PTPRT: variants seen among roughly 807,000 people sequenced by gnomAD.
PTPRT encodes the protein receptor-type tyrosine-protein phosphatase T.
In PTPRT, 56 loss-of-function variants were observed where a neutral mutation model predicts 176.8. The ratio of observed to expected loss-of-function variants is 0.32; its 90% CI spans 0.26 to 0.40. The LOEUF (loss-of-function observed/expected upper bound fraction) is 0.40. PTPRT is among the 10% of genes least tolerant of loss of function. The pLI is 1.00. For missense variants in PTPRT, 1,540 were observed against 1,908.2 expected (o/e 0.81, Z 3.60); for synonymous variants, 783 against 739.0 (o/e 1.06, Z -0.96).
chr20:42,538,958 C>T (rs1393910725), intron 7 of PTPRT, among the ~76,000 whole-genome samples: 2 of 152,200 alleles, frequency 1.3e-5, no homozygotes, highest in Admixed American at 1.3e-4. Flanking sequence ...GTCACCAATC[C>T]ATGCAACTAT....
chr20:42,576,380 G>A (rs6130170), intron 7 of PTPRT, among the ~76,000 whole-genome samples: 7,625 of 152,182 alleles, frequency 0.05, 236 homozygotes, highest in Middle Eastern at 0.11. Context: ...ACATATCTAC[G>A]CCTTGCAGCA....
At chr20:42,918,212 G>A (rs1461199443) in intron 1 of PTPRT, among the ~76,000 whole-genome samples, 1 of 152,124 alleles carries the variant, frequency 6.6e-6, no homozygotes, top group Non-Finnish European at 1.5e-5. Flanking sequence ...AACACAGTGG[G>A]TGGGTAAGTC....
intron 9 of PTPRT, among the ~76,000 whole-genome samples, chr20:42,446,561 A>G (rs2070735162): frequency 1.3e-5 from 2 of 150,856 alleles, no homozygotes; most frequent in Non-Finnish European, 2.9e-5. Context: ...CAGGCACAAC[A>G]CATCTTTATT....
intron 17 of PTPRT, among the ~76,000 whole-genome samples, chr20:42,154,239 T>A (rs531448708): frequency 1.3e-5 from 2 of 152,298 alleles, no homozygotes; most frequent in South Asian, 4.1e-4. Flanking sequence ...TATTCTGTCA[T>A]CACTCTGTTA....
intron 9 of PTPRT, among the ~76,000 whole-genome samples, chr20:42,435,565 G>A (rs1315977560): frequency 2.6e-5 from 4 of 152,114 alleles, no homozygotes; most frequent in Admixed American, 6.6e-5. Context: ...AATGGGAGGT[G>A]CAAGTCTTTC....
At chr20:43,056,456 T>G (rs1600679143) in intron 1 of PTPRT, among the ~76,000 whole-genome samples, 1 of 152,204 alleles carries the variant, frequency 6.6e-6, no homozygotes, top group Admixed American at 6.5e-5. Flanking sequence ...AATGGCTGGG[T>G]ACAGGGAAGT....
intron 6 of PTPRT, among the ~76,000 whole-genome samples, chr20:42,715,330 C>T (rs2076207081): frequency 6.6e-6 from 1 of 151,928 alleles, no homozygotes; most frequent in African/African-American, 2.4e-5. Flanking sequence ...ATGAACAGAT[C>T]CCAAGATAAT....
chr20:43,083,814 A>G (rs2011532156), intron 1 of PTPRT, among the ~76,000 whole-genome samples: 1 of 151,782 alleles, frequency 6.6e-6, no homozygotes. Flanking sequence ...TCCCACCCCT[A>G]CCCCAGGCAA....
chr20:42,787,098 T>C (rs2145526610), intron 3 of PTPRT, among the ~76,000 whole-genome samples: 1 of 152,330 alleles, frequency 6.6e-6, no homozygotes, highest in African/African-American at 2.4e-5. Context: ...AGAAATTGTA[T>C]GGCTTGTAAA....
At chr20:42,055,341 C>T in the PTPRT span, among the ~76,000 whole-genome samples, 1 of 152,204 alleles carries the variant, frequency 6.6e-6, no homozygotes, top group Non-Finnish European at 1.5e-5. Context: ...GTTTCAAACT[C>T]ATGCATTCTT....
At chr20:42,450,627 C>T (rs1203602840) in intron 8 of PTPRT, among the ~76,000 whole-genome samples, 2 of 143,634 alleles carry the variant, frequency 1.4e-5, no homozygotes, top group Admixed American at 7.0e-5. Context: ...TATATTTTCG[C>T]CAGTTTTTTT....
intron 14 of PTPRT, among the ~76,000 whole-genome samples, chr20:42,246,378 C>T (rs960464887): frequency 1.3e-5 from 2 of 152,074 alleles, no homozygotes; most frequent in Non-Finnish European, 2.9e-5. Flanking sequence ...TTATTTTCTT[C>T]AAAAGATGCC....
chr20:42,298,209 T>C (rs1271844028), intron 12 of PTPRT, among the ~76,000 whole-genome samples: 1 of 152,038 alleles, frequency 6.6e-6, no homozygotes, highest in Non-Finnish European at 1.5e-5. Flanking sequence ...AACAGGTAAT[T>C]CAAAAATTAC....
At chr20:42,269,027 A>C (rs1325436040) in intron 13 of PTPRT, among the ~76,000 whole-genome samples, 1 of 152,058 alleles carries the variant, frequency 6.6e-6, no homozygotes, top group Non-Finnish European at 1.5e-5. Flanking sequence ...TGGTACAAAT[A>C]TTGGCCCCCT....
At chr20:43,170,189 T>A (rs977476199) in intron 1 of PTPRT, among the ~76,000 whole-genome samples, 12 of 152,044 alleles carry the variant, frequency 7.9e-5, no homozygotes, top group African/African-American at 1.2e-4. Context: ...GGAAATTCCT[T>A]ATTTGATATA....
At chr20:42,044,815 C>A in the PTPRT span, among the ~76,000 whole-genome samples, 5 of 152,168 alleles carry the variant, frequency 3.3e-5, no homozygotes, top group Non-Finnish European at 7.3e-5. Flanking sequence ...TTCTGGAGGT[C>A]AGAGATCTGA....
Position 42,073,884 on chromosome 20 carries a change from T to C in PTPRT, c.*6995A>G, listed in dbSNP as rs1002514297. On this transcript the variant is annotated 3_prime_UTR_variant, in exon 31 of 31. Coordinates refer to ENST00000373187, the MANE Select transcript of PTPRT (RefSeq NM_007050.6). ...GACCTGAAATCCATTTCACCAATGC[T>C]TCTCTTCCCTTTAAAGAGACACCTG... is the stretch of plus-strand genomic sequence containing the variant. 2 of 229,132 alleles carry C rather than the reference T, an allele frequency of 8.7e-6. No homozygotes were observed. Among genetic ancestry groups the C allele is most frequent in the African/African-American group, 4.4e-5 (2 of 45,118 alleles). 14.2% of individuals were successfully genotyped at this position (229,132 alleles called of 1,614,324 possible).
intron 1 of PTPRT, among the ~76,000 whole-genome samples, chr20:43,167,293 T>C (rs1293537894): frequency 1.3e-5 from 2 of 152,252 alleles, no homozygotes; most frequent in South Asian, 2.1e-4. Context: ...AGACACTTAA[T>C]AAATTAACCA....
chr20:42,129,489 A>C (rs1174847214), intron 18 of PTPRT, among the ~76,000 whole-genome samples: 2 of 152,250 alleles, frequency 1.3e-5, no homozygotes, highest in East Asian at 3.8e-4. Flanking sequence ...AATAAAAACC[A>C]TTAAAAGAAA....
Sources: allele counts gnomAD v4.1 joint callset (sites outside exome capture counted in the v4.1 genomes callset), GRCh38; gene constraint gnomAD v4.1.1; transcripts MANE v1.5; gene names NCBI Gene and HGNC (gene_info 2026-07-23, HGNC 2026-07-21).